Variants in TMEM163 observed in about 807,000 individuals in gnomAD.
TMEM163 encodes transmembrane protein 163.
In TMEM163, 17 loss-of-function variants were observed where a neutral mutation model predicts 29.3. The ratio of observed to expected loss-of-function variants is 0.58; its 90% CI spans 0.40 to 0.87. The LOEUF (loss-of-function observed/expected upper bound fraction) is 0.87, where lower values mean the gene tolerates loss of function less well. Among genes scored for constraint, TMEM163 ranks in the 40% least tolerant of loss-of-function variants. The pLI is 0.00. For missense variants in TMEM163, 303 were observed against 381.5 expected, an observed-to-expected ratio of 0.79 and a Z score of 1.71; for synonymous variants, 157 against 160.6, an observed-to-expected ratio of 0.98 and a Z score of 0.17.
chr2:134,551,667 T>C (rs1428510205), intron 3 of TMEM163, among the ~76,000 whole-genome samples: 2 of 152,200 alleles, frequency 1.3e-5, no homozygotes, highest in Non-Finnish European at 2.9e-5. Context: ...GGCTACAGAC[T>C]GACTCATCCT....
chr2:134,547,336 T>G (rs1680815213), intron 4 of TMEM163, among the ~76,000 whole-genome samples: 1 of 152,124 alleles, frequency 6.6e-6, no homozygotes, highest in African/African-American at 2.4e-5. Flanking sequence ...ATATCCACAG[T>G]AGGGATACAC....
chr2:134,543,160 T>A (rs1680713798), intron 4 of TMEM163, among the ~76,000 whole-genome samples: 1 of 152,218 alleles, frequency 6.6e-6, no homozygotes. Flanking sequence ...CTCTAGTGCA[T>A]CTTACCTGCA....
At chr2:134,563,065 C>T (rs995170280) in intron 2 of TMEM163, among the ~76,000 whole-genome samples, 12 of 152,186 alleles carry the variant, frequency 7.9e-5, no homozygotes, top group Non-Finnish European at 1.6e-4. Flanking sequence ...AGCTGAGCTC[C>T]AGCATCCACC....
chr2:134,692,963 C>T (rs568643724), intron 2 of TMEM163, among the ~76,000 whole-genome samples: 25 of 152,286 alleles, frequency 1.6e-4, no homozygotes, highest in African/African-American at 6.0e-4. Flanking sequence ...ATCTTTCTTC[C>T]AGCACCTCAG....
At chr2:134,478,488 G>A (rs914557348) in intron 5 of TMEM163, among the ~76,000 whole-genome samples, 19 of 152,206 alleles carry the variant, frequency 1.2e-4, no homozygotes, top group Non-Finnish European at 1.5e-5. Context: ...GATTGCCCAC[G>A]TATGCCTTAG....
intron 4 of TMEM163, among the ~76,000 whole-genome samples, chr2:134,549,629 C>A (rs1312538227): frequency 6.6e-6 from 1 of 152,134 alleles, no homozygotes; most frequent in Non-Finnish European, 1.5e-5. Flanking sequence ...CAGGTGTGAG[C>A]CACCACACCC....
intron 2 of TMEM163, among the ~76,000 whole-genome samples, chr2:134,701,115 C>T (rs1684693813): frequency 6.6e-6 from 1 of 151,604 alleles, no homozygotes; most frequent in Admixed American, 6.6e-5. Flanking sequence ...AGACACTAAA[C>T]ATGTTGTTTT....
chr2:134,668,397 G>A (rs1000191611), intron 2 of TMEM163, among the ~76,000 whole-genome samples: 6 of 152,080 alleles, frequency 3.9e-5, no homozygotes, highest in African/African-American at 1.4e-4. Context: ...GCTTATTGAT[G>A]GGCATTAACA....
At chr2:134,706,743 G>A (rs895242608) in intron 2 of TMEM163, among the ~76,000 whole-genome samples, 1 of 152,152 alleles carries the variant, frequency 6.6e-6, no homozygotes, top group Non-Finnish European at 1.5e-5. Flanking sequence ...GAGCCTCTGG[G>A]GGCTGCAGTA....
intron 4 of TMEM163, among the ~76,000 whole-genome samples, chr2:134,518,828 G>A (rs1297277450): frequency 1.3e-5 from 2 of 152,154 alleles, no homozygotes; most frequent in Non-Finnish European, 2.9e-5. Context: ...CCAATCTGCT[G>A]CCTTTCTTGT....
chr2:134,471,471 G>C lies in TMEM163; in HGVS notation c.556-5246C>G, dbSNP rs533142798. 2.0e-4 allele frequency among the ~76,000 whole-genome samples: 30 copies of C among 152,332 alleles called. 1 individual carries two copies. The East Asian group carries it at 4.6e-3, about 23-fold the overall frequency. ...TAACCCAAGGAAGGATCCCTCACCAGATGCTGACTCTGCTGGCACATTCAT... is the reference window on the plus strand; with the variant it reads ...TAACCCAAGGAAGGATCCCTCACCACATGCTGACTCTGCTGGCACATTCAT... On this transcript the variant is annotated intron_variant, in intron 5 of 7. Coordinates refer to ENST00000281924, the MANE Select transcript of TMEM163 (RefSeq NM_030923.5).
chr2:134,461,389 G>C (rs76887335), intron 6 of TMEM163, among the ~76,000 whole-genome samples: 2,038 of 152,310 alleles, frequency 0.013, 26 homozygotes, highest in Non-Finnish European at 0.021. Flanking sequence ...GAAAACAGCA[G>C]GCTCCTGTTT....
intron 4 of TMEM163, among the ~76,000 whole-genome samples, chr2:134,518,761 T>C (rs1034611258): frequency 6.6e-6 from 1 of 152,184 alleles, no homozygotes; most frequent in Non-Finnish European, 1.5e-5. Context: ...CCTCTTTTCC[T>C]GTCTAACTCG....
chr2:134,631,790 C>A (rs1234221520), intron 2 of TMEM163, among the ~76,000 whole-genome samples: 1 of 152,216 alleles, frequency 6.6e-6, no homozygotes, highest in African/African-American at 2.4e-5. Context: ...ATTAGGAATA[C>A]CTGAATGAGA....
intron 4 of TMEM163, among the ~76,000 whole-genome samples, chr2:134,505,096 C>T (rs1489939863): frequency 9.2e-5 from 14 of 152,178 alleles, no homozygotes; most frequent in Admixed American, 6.5e-4. Context: ...AGGTAAGTTT[C>T]GCAATGTGGT....
At chr2:134,464,588 G>T (rs1052334921) in intron 6 of TMEM163, among the ~76,000 whole-genome samples, 30 of 152,082 alleles carry the variant, frequency 2.0e-4, no homozygotes, top group Non-Finnish European at 1.0e-4. Flanking sequence ...CTCTTCCGAG[G>T]GTAGCCATGG....
chr2:134,643,629 A>G (rs1326918066), intron 2 of TMEM163, among the ~76,000 whole-genome samples: 2 of 151,374 alleles, frequency 1.3e-5, no homozygotes, highest in East Asian at 3.9e-4. Context: ...GATCACATCA[A>G]TTGACAATTG....
chr2:134,629,210 T>G (rs569831054), intron 2 of TMEM163, among the ~76,000 whole-genome samples: 1 of 152,220 alleles, frequency 6.6e-6, no homozygotes, highest in Non-Finnish European at 1.5e-5. Context: ...CAAGATCATA[T>G]AGGCAGGTTT....
chr2:134,522,650 C>A (rs1680212347), intron 4 of TMEM163, among the ~76,000 whole-genome samples: 1 of 152,218 alleles, frequency 6.6e-6, no homozygotes, highest in African/African-American at 2.4e-5. Flanking sequence ...ACAGAAGCAG[C>A]CTTGTAAGGA....
Sources: gnomAD v4.1 joint callset for allele counts (sites outside exome capture counted in the v4.1 genomes callset) on GRCh38, gnomAD v4.1.1 for gene constraint, MANE v1.5 for transcripts, NCBI Gene and HGNC (gene_info 2026-07-23, HGNC 2026-07-21) for gene names.